FRAS1: variants seen among roughly 807,000 people sequenced by gnomAD.
FRAS1 encodes Fraser extracellular matrix complex subunit 1.
A neutral mutation model predicts 435.2 loss-of-function variants in FRAS1; 290 were observed. The ratio of observed to expected loss-of-function variants is 0.67; its 90% CI spans 0.61 to 0.73. FRAS1 has a LOEUF of 0.73. Ranked by LOEUF, FRAS1 falls within the 30% of genes least tolerant of loss-of-function variation. The pLI, the probability that FRAS1 is intolerant of heterozygous loss-of-function variation, is 0.00. For missense variants in FRAS1, 4,860 were observed against 5,001.5 expected (o/e 0.97, Z 0.85); for synonymous variants, 1,800 against 1,851.0 (o/e 0.97, Z 0.71).
At chr4:78,363,695 G>A in intron 21 of FRAS1, 30 bp downstream of exon 21, 2 of 1,559,428 alleles carry the variant, frequency 1.3e-6, no homozygotes, top group Non-Finnish European at 1.7e-6. Flanking sequence ...AGGAGCTGGA[G>A]CTGCCACCTG....
rs137982616 is a variant in FRAS1, at chr4:78,513,538, T to C, written c.10160T>C (p.Leu3387Pro). The stretch of plus-strand genomic sequence containing the variant: ...TCCAATTTAGTTACCACCTATGACC[T>C]GAGAGGCATCTCAGGTGAGATTGAC... Reference protein sequence around the residue: ...VCSNLVTTYDLRGISEAGFLD... With the variant: ...VCSNLVTTYDPRGISEAGFLD... The change falls in exon 65 of 74, where the codon CTG becomes CCG. Residue 3387 changes from leucine to proline, a missense_variant. Coordinates refer to ENST00000512123, the MANE Select transcript of FRAS1 (RefSeq NM_025074.7). The C allele has an allele frequency of 6.2e-4, 1,008 of 1,613,540 alleles. 7 individuals are homozygous for C. The African/African-American group carries it at 0.012, about 19-fold the overall frequency.
intron 2 of FRAS1, chr4:78,180,993 C>T (rs560465447): frequency 6.2e-6 from 10 of 1,610,244 alleles, no homozygotes; most frequent in Admixed American, 3.3e-5. Context: ...CCTGCCGCCA[C>T]GTCCTGGGCG....
In FRAS1 at chr4:78,065,997, A is replaced by T. The variant is rs375858243; in HGVS notation, c.89A>T (p.Tyr30Phe). 10 of 1,607,528 alleles carry T rather than the reference A, an allele frequency of 6.2e-6. No individual in the cohort carries two copies. The African/African-American group carries it at 1.2e-4, about 19-fold the overall frequency. The change falls in exon 2 of 74, where the codon TAT becomes TTT. Residue 30 changes from tyrosine to phenylalanine, a missense_variant. Tyr to Phe is a conservative substitution (Grantham distance 22). Transcript: ENST00000512123. The stretch of plus-strand genomic sequence containing the variant: ...TTTTTCCCCACAGGTGCTTGTGTCT[A>T]TCAGGATTCCTTGTTGGCGGTAGGT... ...LPHHSEGACVYQDSLLADATI... is the reference protein window; with the variant it reads ...LPHHSEGACVFQDSLLADATI...
At chr4:78,475,971 T>C (rs74759167) in intron 54 of FRAS1, among the ~76,000 whole-genome samples, 1,814 of 152,310 alleles carry the variant, frequency 0.012, 31 homozygotes, top group African/African-American at 0.042. Flanking sequence ...AGGAGACTGG[T>C]TGGGAATCCC....
chr4:78,250,056 C>T (rs567621421), intron 4 of FRAS1, among the ~76,000 whole-genome samples: 58 of 151,844 alleles, frequency 3.8e-4, no homozygotes, highest in Non-Finnish European at 7.8e-4. Context: ...AATTTAAAGA[C>T]TATAGTCTTT....
chr4:78,418,987 C>A lies in FRAS1; in HGVS notation c.4464C>A (p.Ser1488=), dbSNP rs779691537. ...GCCTGACTGTTATTCAGCCTCATTCCCTCTCCTTCATAAACTCTGAGAAGC... is the reference window on the plus strand; with the variant it reads ...GCCTGACTGTTATTCAGCCTCATTCACTCTCCTTCATAAACTCTGAGAAGC... ...EDGLTVIQPH[S]LSFINSEKPS... Residue 1488 remains serine (S), a synonymous_variant, in exon 33 of 74, where the codon TCC becomes TCA. Coordinates refer to ENST00000512123, the MANE Select transcript of FRAS1 (RefSeq NM_025074.7). 2 of 1,604,364 alleles carry A rather than the reference C, an allele frequency of 1.2e-6. No individual in the cohort carries two copies. The highest frequency in any genetic ancestry group is 3.4e-5 in the Admixed American group (2 of 58,434).
chr4:78,087,160 C>T (rs56346346), intron 2 of FRAS1, among the ~76,000 whole-genome samples: 7,473 of 152,162 alleles, frequency 0.049, 251 homozygotes, highest in Admixed American at 0.081. Context: ...ATAAACAGAA[C>T]CAAAGACAAA....
rs777297554 is a variant in FRAS1 at position 78,375,797 on chromosome 4, T to G, written c.3210T>G (p.His1070Gln). The G allele has an allele frequency of 6.2e-7, 1 of 1,613,036 alleles. No homozygotes were observed. Among genetic ancestry groups the G allele is most frequent in the Non-Finnish European group, 8.5e-7 (1 of 1,179,380 alleles). ...SHRDRCHLCD[H>Q]GFFLKSGLCV... ...GGGACCGTTGTCACCTCTGTGACCA[T>G]GGGTTCTTTCTGAAGAGTGGCCTCT... Residue 1070 changes from histidine (H) to glutamine (Q), a missense_variant, in exon 26 of 74, where the codon CAT (histidine) becomes CAG (glutamine). Coordinates refer to ENST00000512123, the MANE Select transcript of FRAS1 (RefSeq NM_025074.7).
At chr4:78,295,820 C>T (rs1278373524) in intron 14 of FRAS1, among the ~76,000 whole-genome samples, 2 of 151,600 alleles carry the variant, frequency 1.3e-5, no homozygotes, top group Non-Finnish European at 2.9e-5. Flanking sequence ...TCTTGGCTCA[C>T]TGTAACCTCC....
At chr4:78,334,525 C>T (rs575507314) in intron 19 of FRAS1, among the ~76,000 whole-genome samples, 2 of 151,466 alleles carry the variant, frequency 1.3e-5, no homozygotes, top group African/African-American at 4.8e-5. Flanking sequence ...TGCGTGCCAC[C>T]ACACCCAGCT....
At chr4:78,254,096 G>C (rs6854043) in intron 5 of FRAS1, among the ~76,000 whole-genome samples, 69 of 151,740 alleles carry the variant, frequency 4.5e-4, no homozygotes, top group African/African-American at 1.5e-3. Context: ...TGTTCAGCAA[G>C]CCAGAGTCAG....
chr4:78,497,455 A>G (rs755656457), intron 60 of FRAS1, among the ~76,000 whole-genome samples: 2 of 152,192 alleles, frequency 1.3e-5, no homozygotes, highest in Non-Finnish European at 2.9e-5. Context: ...GCACCAGGGA[A>G]GACAAAACCT....
intron 65 of FRAS1, among the ~76,000 whole-genome samples, chr4:78,514,946 T>C (rs1721158088): frequency 6.6e-6 from 1 of 151,366 alleles, no homozygotes; most frequent in Non-Finnish European, 1.5e-5. Flanking sequence ...CGTGCACCTG[T>C]AATCCCAGCT....
chr4:78,432,316 C>T (rs1311503523), intron 37 of FRAS1, 41 bp from the exon 38 acceptor site: 1 of 1,542,502 alleles, frequency 6.5e-7, no homozygotes, highest in African/African-American at 1.4e-5. Context: ...AAGCATTATT[C>T]CCAGAAGCAA....
chr4:78,463,802 A>G (rs1388405073), intron 47 of FRAS1, among the ~76,000 whole-genome samples: 1 of 152,244 alleles, frequency 6.6e-6, no homozygotes. Flanking sequence ...CTTTGCGCAT[A>G]GAAGCCACCA....
In FRAS1 at chr4:78,354,596, G is replaced by T. The variant is rs141058778; in HGVS notation, c.2423-8917G>T. On this transcript the variant is annotated intron_variant, in intron 20 of 73. Coordinates refer to ENST00000512123, the MANE Select transcript of FRAS1 (RefSeq NM_025074.7). ...AATTCAAATTCTATGCCCTTTAAAGGCCCTGAGTTTTGGCATGAAATCATT... is the reference window on the plus strand; with the variant it reads ...AATTCAAATTCTATGCCCTTTAAAGTCCCTGAGTTTTGGCATGAAATCATT... Among the ~76,000 whole-genome samples the T allele has an allele frequency of 2.6e-4, 40 of 152,206 alleles. No individual in the cohort carries two copies. The East Asian group carries it at 6.4e-3, about 24-fold the overall frequency.
chr4:78,429,182 C>G lies in FRAS1; in HGVS notation c.4799C>G (p.Thr1600Arg), dbSNP rs745943428. The change falls in exon 36 of 74, where the codon ACA becomes AGA. Residue 1600 changes from threonine (T) to arginine (R), a missense_variant. Coordinates refer to ENST00000512123, the MANE Select transcript of FRAS1 (RefSeq NM_025074.7). ...SDQQLPVFQVTAPRLAVSPGG... is the reference protein window; with the variant it reads ...SDQQLPVFQVRAPRLAVSPGG... ...CAGCAACTGCCAGTGTTCCAGGTCA[C>G]AGCTCCACGGCTGGCGGTCAGCCCA... 1.2e-6 allele frequency: 2 copies of G among 1,604,654 alleles called. No individual in the cohort carries two copies. Among genetic ancestry groups the G allele is most frequent in the African/African-American group, 1.3e-5 (1 of 74,874 alleles).
intron 66 of FRAS1, among the ~76,000 whole-genome samples, chr4:78,519,080 TG>T (rs1297738967): frequency 6.7e-6 from 1 of 149,024 alleles, no homozygotes; most frequent in African/African-American, 2.4e-5. Flanking sequence ...AAAGTATTTT[TG>T]TTCAAGTGCC....
At chr4:78,428,361 C>T (rs555696659) in intron 35 of FRAS1, among the ~76,000 whole-genome samples, 2 of 151,036 alleles carry the variant, frequency 1.3e-5, no homozygotes, top group South Asian at 4.2e-4. Flanking sequence ...CTCGCTGTAT[C>T]GCCCAGGCTG....
Sources: gnomAD v4.1 joint callset for allele counts (sites outside exome capture counted in the v4.1 genomes callset) on GRCh38, gnomAD v4.1.1 for gene constraint, MANE v1.5 for transcripts, NCBI Gene and HGNC (gene_info 2026-07-23, HGNC 2026-07-21) for gene names.